Variants in PLAGL1 observed in about 807,000 individuals in gnomAD.
PLAGL1 encodes the protein PLAG1 like zinc finger 1.
Under a neutral mutation model 4.6 loss-of-function variants are expected in PLAGL1, and 1 was observed. The ratio of observed to expected loss-of-function variants is 0.22; its 90% CI spans 0.08 to 1.03. The LOEUF (loss-of-function observed/expected upper bound fraction) is 1.03. Ranked by LOEUF, PLAGL1 falls within the 50% of genes least tolerant of loss-of-function variation. The pLI is 0.58. For synonymous variants in PLAGL1, 240 were observed against 237.8 expected, an observed-to-expected ratio of 1.01 and a Z score of -0.08; for missense variants, 464 against 570.4, an observed-to-expected ratio of 0.81 and a Z score of 1.90.
rs1562587432 is a variant in PLAGL1, at chr6:144,027,245, AAGAAAG to A, written c.-151+37217_-151+37222del. The stretch of plus-strand genomic sequence containing the variant: ...ACTCAAAGAACGAACGAAAGAAAGA[AAGAAAG>A]AAAGAAAGAAAGAAAGAAAGAAAGA... On this transcript the variant is annotated intron_variant, in intron 1 of 3. Coordinates refer to the PLAGL1 transcript ENST00000437412. This position sits in a 1 kb window ranked among gnomAD's most constrained non-coding sequence, Gnocchi z 5.8. 3.1e-5 allele frequency among the ~76,000 whole-genome samples: 4 copies of A among 126,990 alleles called. No homozygotes were observed. The highest frequency in any genetic ancestry group is 1.1e-4 in the African/African-American group (4 of 35,258). 83.3% of individuals were successfully genotyped at this position (126,990 alleles called of 152,430 possible). A position where few individuals can be genotyped will look rare whatever the true frequency, so the allele number is the denominator to read the frequency against.
At position 143,966,797 on chromosome 6, in the gene PLAGL1, C is replaced by G. The variant is rs1784504889; in HGVS notation, c.-471-599G>C. On this transcript the variant is annotated intron_variant, in intron 3 of 7. Transcript: ENST00000674357. The surrounding 1 kb of genome is among the most constrained non-coding windows in gnomAD (Gnocchi z 6.0). ...TTTCTAATTTTAATATTTAACACTC[C>G]TATGTTATGATCCCCGCCTCCCTTC... is the stretch of plus-strand genomic sequence containing the variant. 1.3e-5 allele frequency: 2 copies of G among 152,064 alleles called. No individual in the cohort carries two copies. The highest frequency in any genetic ancestry group is 2.9e-5 in the Non-Finnish European group (2 of 68,026). The allele number at this position is 152,064 out of a possible 1,614,324, so 9.4% of individuals were successfully genotyped here. A position where few individuals can be genotyped will look rare whatever the true frequency, so the allele number is the denominator to read the frequency against.
intron 1 of PLAGL1, among the ~76,000 whole-genome samples, chr6:144,014,256 C>T (rs1562573668): frequency 6.6e-6 from 1 of 151,894 alleles, no homozygotes; most frequent in South Asian, 2.1e-4. Context: ...CATGGCAAAA[C>T]CCCATCAATA....
intron 1 of PLAGL1, among the ~76,000 whole-genome samples, chr6:144,021,710 A>G (rs1485439430): frequency 6.6e-6 from 1 of 152,246 alleles, no homozygotes; most frequent in Non-Finnish European, 1.5e-5. Context: ...CCATCATTAC[A>G]GTTGAGCTTT....
At chr6:143,987,379 G>A (rs1479224143) in intron 1 of PLAGL1, among the ~76,000 whole-genome samples, 1 of 150,220 alleles carries the variant, frequency 6.7e-6, no homozygotes, top group Non-Finnish European at 1.5e-5. Context: ...AGAGGTTCTG[G>A]AGGAGGAAAC....
rs1420867867 is a variant in PLAGL1 at position 143,970,264 on chromosome 6, C to T, written c.-543-1286G>A. ...AGGTATAAGCTGAGTTTGGGTTTTT[C>T]CTCCTGAATTGAGGTTTTTCCTTGC... On this transcript the variant is annotated intron_variant, in intron 2 of 7. Coordinates refer to ENST00000674357, the MANE Select transcript of PLAGL1 (RefSeq NM_001317162.2). This position sits in a 1 kb window ranked among gnomAD's most constrained non-coding sequence, Gnocchi z 5.8. 6.6e-6 allele frequency among the ~76,000 whole-genome samples: 1 copy of T among 152,164 alleles called. No individual in the cohort carries two copies. Among genetic ancestry groups the T allele is most frequent in the African/African-American group, 2.4e-5 (1 of 41,442 alleles).
At chr6:143,988,554 C>A (rs1789713325) in intron 1 of PLAGL1, among the ~76,000 whole-genome samples, 2 of 152,294 alleles carry the variant, frequency 1.3e-5, no homozygotes, top group African/African-American at 4.8e-5. Context: ...AGATGATATC[C>A]TTTATTGTTT....
chr6:143,995,246 A>G lies in PLAGL1; in HGVS notation c.-583-10072T>C, dbSNP rs1248513665. On this transcript the variant is annotated intron_variant, in intron 1 of 7. Transcript: ENST00000674357. This position sits in a 1 kb window ranked among gnomAD's most constrained non-coding sequence, Gnocchi z 4.4. ...GCAAGGTCCCTTTCAATTTATCCTT[A>G]AAGTTAATTAATAAAAAGCTTAAAC... Among the ~76,000 whole-genome samples the G allele has an allele frequency of 6.6e-6, 1 of 152,240 alleles. No homozygotes were observed. The highest frequency in any genetic ancestry group is 1.5e-5 in the Non-Finnish European group (1 of 68,038).
Position 143,942,008 on chromosome 6 carries a change from G to T in PLAGL1, c.808C>A (p.Gln270Lys), listed in dbSNP as rs778298992. Residue 270 changes from glutamine to lysine, a missense_variant, in exon 8 of 8, where the codon CAA (glutamine) becomes AAA (lysine). This residue lies in a region of PLAGL1 where 248 missense variants were observed against 250.1 expected (regional missense o/e 0.99). Coordinates refer to ENST00000674357, the MANE Select transcript of PLAGL1 (RefSeq NM_001317162.2). This position sits in a 1 kb window ranked among gnomAD's most constrained non-coding sequence, Gnocchi z 7.6. Reference protein sequence around the residue: ...VHSLTLSPPEQAAQPMQPLPE... With the variant: ...VHSLTLSPPEKAAQPMQPLPE... ...AGCGGCTGCATAGGCTGGGCGGCTT[G>T]TTCTGGGGGACTGAGGGTGAGGCTA... 6.9e-6 allele frequency: 11 copies of T among 1,594,920 alleles called. No individual in the cohort carries two copies. The East Asian group carries it at 2.2e-4, about 32-fold the overall frequency.
rs2128647336 is a variant in PLAGL1, at chr6:143,997,969, T to C, written c.-584+10121A>G. 6.6e-6 allele frequency among the ~76,000 whole-genome samples: 1 copy of C among 152,300 alleles called. No homozygotes were observed. Among genetic ancestry groups the C allele is most frequent in the Non-Finnish European group, 1.5e-5 (1 of 68,036 alleles). On this transcript the variant is annotated intron_variant, in intron 1 of 7. Transcript: ENST00000674357. This position sits in a 1 kb window ranked among gnomAD's most constrained non-coding sequence, Gnocchi z 4.6. ...CTCAACAGAAGCAGAGAAAAAGTAC[T>C]TTATGAAAGATAATTAGACTCTTTT...
At chr6:144,017,864 A>G (rs986113051) in intron 1 of PLAGL1, among the ~76,000 whole-genome samples, 1 of 152,102 alleles carries the variant, frequency 6.6e-6, no homozygotes, top group Non-Finnish European at 1.5e-5. Context: ...CACTCACAGG[A>G]TGTTTACTCT....
chr6:144,023,198 A>G (rs1344536039), intron 1 of PLAGL1, among the ~76,000 whole-genome samples: 1 of 152,200 alleles, frequency 6.6e-6, no homozygotes, highest in Non-Finnish European at 1.5e-5. Context: ...TATAAACATG[A>G]AAAACAAATC....
intron 1 of PLAGL1, among the ~76,000 whole-genome samples, chr6:143,993,381 G>A (rs893247834): frequency 7.3e-6 from 1 of 136,974 alleles, no homozygotes; most frequent in Non-Finnish European, 1.6e-5. Context: ...ATTGACATGT[G>A]TATTGGTTAT....
In PLAGL1 at chr6:143,994,548, G is replaced by A. The variant is rs561067872; in HGVS notation, c.-583-9374C>T. 5.9e-5 allele frequency among the ~76,000 whole-genome samples: 9 copies of A among 152,276 alleles called. No individual in the cohort carries two copies. The East Asian group carries it at 1.3e-3, about 23-fold the overall frequency. On this transcript the variant is annotated intron_variant, in intron 1 of 7. Transcript: ENST00000674357. The surrounding 1 kb of genome is among the most constrained non-coding windows in gnomAD (Gnocchi z 4.3). ...AGCTCTTGAAATCTCAAGTAGGAAC[G>A]AAATGAAACTAATGGCATTATAAAT...
intron 1 of PLAGL1, among the ~76,000 whole-genome samples, chr6:143,996,196 T>C (rs941267193): frequency 3.3e-5 from 5 of 152,192 alleles, no homozygotes; most frequent in Admixed American, 3.3e-4. Flanking sequence ...TTTCTCTCAC[T>C]AGGAAGTAGC....
chr6:144,039,484 G>T lies in PLAGL1; in HGVS notation c.-151+24984C>A, dbSNP rs2128715365. On this transcript the variant is annotated intron_variant, in intron 1 of 3. Coordinates refer to the PLAGL1 transcript ENST00000437412. The surrounding 1 kb of genome is among the most constrained non-coding windows in gnomAD (Gnocchi z 4.1). The stretch of plus-strand genomic sequence containing the variant: ...GCTTGTAATCCCAGCTACTCAAGAG[G>T]CTGAGACACGAGAATTGCTTGAACC... Among the ~76,000 whole-genome samples, 1 of 152,274 alleles carries T rather than the reference G, an allele frequency of 6.6e-6. No homozygotes were observed. The highest frequency in any genetic ancestry group is 1.9e-4 in the East Asian group (1 of 5,182).
chr6:144,033,870 G>A (rs916096140), intron 1 of PLAGL1, among the ~76,000 whole-genome samples: 4 of 152,174 alleles, frequency 2.6e-5, no homozygotes, highest in African/African-American at 9.7e-5. Context: ...AAAAAAATCT[G>A]TCAAAAGAAA....
chr6:144,004,517 T>G lies in PLAGL1; in HGVS notation c.-584+3573A>C, dbSNP rs1793720916. Among the ~76,000 whole-genome samples the G allele has an allele frequency of 6.6e-6, 1 of 152,246 alleles. No homozygotes were observed. The highest frequency in any genetic ancestry group is 2.1e-4 in the South Asian group (1 of 4,834). On this transcript the variant is annotated intron_variant, in intron 1 of 7. Transcript: ENST00000674357. This position sits in a 1 kb window ranked among gnomAD's most constrained non-coding sequence, Gnocchi z 4.2. ...AATAAACTGTATGACTCCGTTTATA[T>G]GAAGTTTAAAAACATTTGAAAATAA... is the stretch of plus-strand genomic sequence containing the variant.
rs554510553 is a variant in PLAGL1 at position 143,963,376 on chromosome 6, G to A, written c.-399+1411C>T. ...AAGGTCACATGGTGGGGCTTCAAAC[G>A]TTAACCCACAGACTTGCTCCTCCTC... On this transcript the variant is annotated intron_variant, in intron 5 of 7. Coordinates refer to ENST00000674357, the MANE Select transcript of PLAGL1 (RefSeq NM_001317162.2). The surrounding 1 kb of genome is among the most constrained non-coding windows in gnomAD (Gnocchi z 6.1). Among the ~76,000 whole-genome samples the A allele has an allele frequency of 1.9e-4, 29 of 152,256 alleles. No homozygotes were observed. In the South Asian group the frequency reaches 4.6e-3, roughly 24 times the overall value.
At chr6:144,031,128 G>T (rs573949331) in intron 1 of PLAGL1, among the ~76,000 whole-genome samples, 1 of 152,212 alleles carries the variant, frequency 6.6e-6, no homozygotes, top group South Asian at 2.1e-4. Context: ...CCATATGCTT[G>T]TTGGCCATTT....
Sources: allele counts gnomAD v4.1 joint callset (sites outside exome capture counted in the v4.1 genomes callset), GRCh38; gene constraint gnomAD v4.1.1; regional missense constraint gnomAD v4.1.1; non-coding constraint Gnocchi (gnomAD v3.1); transcripts MANE v1.5; gene names NCBI Gene and HGNC (gene_info 2026-07-23, HGNC 2026-07-21).